SLIT3: variants seen among roughly 807,000 people sequenced by gnomAD.
SLIT3 encodes slit homolog 3 protein.
In SLIT3, 68 loss-of-function variants were observed where a neutral mutation model predicts 184.0. The ratio of observed to expected loss-of-function variants is 0.37; its 90% CI spans 0.30 to 0.45. SLIT3 has a LOEUF of 0.45. Ranked by LOEUF, SLIT3 falls within the 20% of genes least tolerant of loss-of-function variation. The pLI is 1.00. For missense variants in SLIT3, 1,707 were observed against 2,026.0 expected (o/e 0.84, Z 3.02); for synonymous variants, 831 against 828.6 (o/e 1.00, Z -0.05).
chr5:169,196,247 A>G (rs1763739308), intron 3 of SLIT3, among the ~76,000 whole-genome samples: 2 of 152,122 alleles, frequency 1.3e-5, no homozygotes, highest in Admixed American at 1.3e-4. Context: ...GTACTCAGCG[A>G]TAACAGGTGG....
intron 4 of SLIT3, among the ~76,000 whole-genome samples, chr5:168,977,290 T>C (rs907270379): frequency 1.3e-5 from 2 of 152,170 alleles, no homozygotes; most frequent in Admixed American, 6.5e-5. Flanking sequence ...TTTGGATTGC[T>C]CTGCCTGCCC....
chr5:169,105,365 T>C (rs1760165675), intron 4 of SLIT3, among the ~76,000 whole-genome samples: 1 of 152,234 alleles, frequency 6.6e-6, no homozygotes, highest in Non-Finnish European at 1.5e-5. Flanking sequence ...CTTTTCTTTT[T>C]CCTTTTAAAC....
At chr5:169,199,297 A>G (rs113003327) in intron 3 of SLIT3, among the ~76,000 whole-genome samples, 2 of 145,396 alleles carry the variant, frequency 1.4e-5, no homozygotes, top group African/African-American at 2.7e-5. Context: ...AGGAGAGAGA[A>G]GTGAGGTATA....
intron 4 of SLIT3, among the ~76,000 whole-genome samples, chr5:168,978,567 G>A (rs1410288459): frequency 6.6e-6 from 1 of 152,154 alleles, no homozygotes; most frequent in Non-Finnish European, 1.5e-5. Context: ...AGCAATGCCT[G>A]AGAAATGAGT....
At chr5:169,071,261 T>C (rs539810571) in intron 4 of SLIT3, among the ~76,000 whole-genome samples, 2 of 152,356 alleles carry the variant, frequency 1.3e-5, no homozygotes, top group East Asian at 3.9e-4. Flanking sequence ...ATGGGGCTCA[T>C]GTAATGAACA....
chr5:169,146,764 T>C (rs959207140), intron 4 of SLIT3, among the ~76,000 whole-genome samples: 3 of 152,220 alleles, frequency 2.0e-5, no homozygotes, highest in African/African-American at 7.2e-5. Context: ...CTTTTAGGCC[T>C]CACCTTGCAC....
intron 23 of SLIT3, among the ~76,000 whole-genome samples, chr5:168,715,809 A>G (rs1350554457): frequency 6.6e-6 from 1 of 151,742 alleles, no homozygotes; most frequent in Non-Finnish European, 1.5e-5. Context: ...AGTAGCTGGG[A>G]TTACAGATGT....
At chr5:169,106,755 G>A (rs1760225916) in intron 4 of SLIT3, among the ~76,000 whole-genome samples, 1 of 152,140 alleles carries the variant, frequency 6.6e-6, no homozygotes. Context: ...TTCATTTCTA[G>A]GTCACATCAA....
intron 4 of SLIT3, among the ~76,000 whole-genome samples, chr5:168,958,302 G>A (rs976354946): frequency 6.6e-6 from 1 of 152,280 alleles, no homozygotes. Flanking sequence ...CTAACTGGAA[G>A]GATAGTTTAT....
At chr5:168,856,450 G>A (rs1758872441) in intron 5 of SLIT3, among the ~76,000 whole-genome samples, 1 of 152,194 alleles carries the variant, frequency 6.6e-6, no homozygotes, top group African/African-American at 2.4e-5. Context: ...AGAGAAACAT[G>A]AGGGAATTTA....
intron 4 of SLIT3, among the ~76,000 whole-genome samples, chr5:168,920,081 AC>A (rs1761587958): frequency 6.6e-6 from 1 of 152,182 alleles, no homozygotes; most frequent in African/African-American, 2.4e-5. Flanking sequence ...GATCTCTAGC[AC>A]CTTGCATTGC....
At chr5:169,138,689 A>C (rs1761615370) in intron 4 of SLIT3, among the ~76,000 whole-genome samples, 1 of 152,170 alleles carries the variant, frequency 6.6e-6, no homozygotes, top group Non-Finnish European at 1.5e-5. Flanking sequence ...GTCCGATGGC[A>C]CTGCGAGCCT....
At chr5:169,131,904 A>C (rs1421558237) in intron 4 of SLIT3, among the ~76,000 whole-genome samples, 1 of 152,190 alleles carries the variant, frequency 6.6e-6, no homozygotes, top group African/African-American at 2.4e-5. Flanking sequence ...GTCTAGAGAG[A>C]GGGCACTTCA....
At chr5:168,976,420 G>T (rs1449452173) in intron 4 of SLIT3, among the ~76,000 whole-genome samples, 1 of 152,198 alleles carries the variant, frequency 6.6e-6, no homozygotes, top group African/African-American at 2.4e-5. Flanking sequence ...CCTAGTTGTT[G>T]CTAGAGAGCC....
At chr5:168,698,846 T>G (rs1273932399) in intron 27 of SLIT3, among the ~76,000 whole-genome samples, 1 of 152,196 alleles carries the variant, frequency 6.6e-6, no homozygotes, top group Non-Finnish European at 1.5e-5. Flanking sequence ...TGGGCCCTTT[T>G]CCTTTTACAT....
chr5:168,752,175 C>A (rs181986912), intron 18 of SLIT3, among the ~76,000 whole-genome samples: 15 of 152,304 alleles, frequency 9.8e-5, no homozygotes, highest in African/African-American at 3.6e-4. Flanking sequence ...CTGGCTTCCT[C>A]TTCAGCCTTG....
chr5:168,884,547 G>GATATATAT (rs1491371300), intron 4 of SLIT3, among the ~76,000 whole-genome samples: 7 of 9,312 alleles, frequency 7.5e-4, no homozygotes, highest in African/African-American at 3.6e-3. Context: ...TACCAATTAC[G>GATATATAT]AGATATATAT....
intron 12 of SLIT3, among the ~76,000 whole-genome samples, chr5:168,783,974 C>T (rs1756064470): frequency 6.6e-6 from 1 of 152,186 alleles, no homozygotes; most frequent in South Asian, 2.1e-4. Flanking sequence ...GTTCTATTAA[C>T]CTCATGGCTG....
intron 4 of SLIT3, among the ~76,000 whole-genome samples, chr5:168,985,705 A>G (rs531730076): frequency 2.0e-5 from 3 of 152,282 alleles, no homozygotes; most frequent in Admixed American, 2.0e-4. Flanking sequence ...GAATGCAGGG[A>G]CAAAGACTCA....
Sources: allele counts gnomAD v4.1 joint callset (sites outside exome capture counted in the v4.1 genomes callset), GRCh38; gene constraint gnomAD v4.1.1; transcripts MANE v1.5; gene names NCBI Gene and HGNC (gene_info 2026-07-23, HGNC 2026-07-21).